The following DNAJC13 variants were observed in gnomAD, a reference collection of about 807,000 sequenced individuals.
DNAJC13 encodes dnaJ homolog subfamily C member 13.
In DNAJC13, 75 loss-of-function variants were observed where a neutral mutation model predicts 290.5. The observed-to-expected ratio is 0.26, with a 90% CI of 0.21 to 0.31. The LOEUF is 0.31. DNAJC13 is among the 10% of genes least tolerant of loss of function. The pLI is 1.00. For synonymous variants in DNAJC13, 862 were observed against 892.0 expected (o/e 0.97, Z 0.60); for missense variants, 2,260 against 2,674.5 (o/e 0.85, Z 3.42).
chr3:132,465,058 C>T (rs1310985715), intron 17 of DNAJC13, among the ~76,000 whole-genome samples: 1 of 152,094 alleles, frequency 6.6e-6, no homozygotes, highest in Non-Finnish European at 1.5e-5. Flanking sequence ...ATATGATAAC[C>T]TACCAAATGC....
rs745349069 is a variant in DNAJC13 at position 132,511,277 on chromosome 3, G to A, written c.5293+33G>A. 37 of 1,601,596 alleles carry A rather than the reference G, an allele frequency of 2.3e-5. No individual in the cohort carries two copies. The East Asian group carries it at 4.9e-4, about 21-fold the overall frequency. ...ACTACACCTTTGATCAATAAGACTC[G>A]TATAATACAGGAGCCCTAAAAATTC... On this transcript the variant is annotated intron_variant, in intron 44 of 55. Transcript: ENST00000260818.
At chr3:132,465,942 C>A in intron 17 of DNAJC13, 53 bp from the exon 18 acceptor site, 1 of 1,221,640 alleles carries the variant, frequency 8.2e-7, no homozygotes, top group Non-Finnish European at 1.2e-6. Flanking sequence ...AAATTCCTTT[C>A]TGTTCTAGCT....
chr3:132,454,339 T>G (rs1027151742), intron 9 of DNAJC13, among the ~76,000 whole-genome samples, 182 bp downstream of exon 9: 21 of 145,928 alleles, frequency 1.4e-4, no homozygotes, highest in African/African-American at 5.1e-5. Context: ...TTTTTTTTTT[T>G]GAGACAGAGT....
chr3:132,525,908 C>A, intron 52 of DNAJC13, 119 bp downstream of exon 52: 1 of 1,259,102 alleles, frequency 7.9e-7, no homozygotes, highest in Non-Finnish European at 1.1e-6. Flanking sequence ...TTTTTGCATA[C>A]GAACCACATG....
chr3:132,463,833 C>G lies in DNAJC13; in HGVS notation c.1892+16C>G, dbSNP rs185789723. 1.9e-6 allele frequency: 3 copies of G among 1,596,504 alleles called. No homozygotes were observed. Among genetic ancestry groups the G allele is most frequent in the East Asian group, 4.5e-5 (2 of 44,460 alleles). On this transcript the variant is annotated intron_variant, in intron 17 of 55. Coordinates refer to ENST00000260818, the MANE Select transcript of DNAJC13 (RefSeq NM_015268.4). ...TTACAAATAGGTAGGTGATTTAATT[C>G]AATTTGCTGCAATTTAACTTCCTGT...
At chr3:132,469,960 ATTCTTTTTTT>A (rs1934133101) in intron 20 of DNAJC13, among the ~76,000 whole-genome samples, 2 of 29,264 alleles carry the variant, frequency 6.8e-5, no homozygotes, top group East Asian at 2.7e-3. Context: ...TGGAGCAGAG[ATTCTTTTTTT>A]TTTTTTTTTT....
intron 15 of DNAJC13, 38 bp from the exon 16 acceptor site, chr3:132,462,429 T>G: frequency 6.3e-7 from 1 of 1,582,158 alleles, no homozygotes; most frequent in Non-Finnish European, 8.6e-7. Context: ...ATAAAATTCT[T>G]TTTTATTTTT....
intron 29 of DNAJC13, among the ~76,000 whole-genome samples, chr3:132,485,964 C>T (rs1934858057): frequency 6.6e-6 from 1 of 151,626 alleles, no homozygotes; most frequent in Non-Finnish European, 1.5e-5. Flanking sequence ...CATTGGTCTG[C>T]AGTGGGAAAG....
chr3:132,519,976 GA>G (rs1195299124), intron 48 of DNAJC13, among the ~76,000 whole-genome samples: 1 of 152,100 alleles, frequency 6.6e-6, no homozygotes, highest in Non-Finnish European at 1.5e-5. Flanking sequence ...ACTGTGCAGG[GA>G]AATCTCCCTT....
chr3:132,536,207 A>T (rs1186999376), intron 55 of DNAJC13, among the ~76,000 whole-genome samples: 2 of 152,180 alleles, frequency 1.3e-5, no homozygotes, highest in African/African-American at 4.8e-5. Context: ...TGTGTTTCAA[A>T]TTTAAAATAC....
chr3:132,504,329 A>ATTTTGT (rs1935519722), intron 41 of DNAJC13, among the ~76,000 whole-genome samples: 1 of 127,810 alleles, frequency 7.8e-6, no homozygotes, highest in Non-Finnish European at 1.6e-5. Context: ...TTTTTTTTTA[A>ATTTTGT]TTTTGTTTTT....
chr3:132,496,669 A>G lies in DNAJC13; in HGVS notation c.4156+6A>G, dbSNP rs1460011615. The G allele has an allele frequency of 2.6e-5, 42 of 1,594,788 alleles. No individual in the cohort carries two copies. The highest frequency in any genetic ancestry group is 3.6e-5 in the Non-Finnish European group (42 of 1,172,292). On this transcript the variant is annotated splice_donor_region_variant and intron_variant, in intron 36 of 55. Transcript: ENST00000260818. ...CTTCAACCGTCATAAAGAAGGTAAG[A>G]TGTCTGTTCTCAGATTTTAATTTAT... is the stretch of plus-strand genomic sequence containing the variant.
intron 25 of DNAJC13, 36 bp from the exon 26 acceptor site, chr3:132,480,333 T>C (rs746665527): frequency 1.4e-6 from 2 of 1,454,236 alleles, no homozygotes; most frequent in Non-Finnish European, 1.9e-6. Flanking sequence ...TTATGAAAAA[T>C]GTTTAGATTA....
intron 6 of DNAJC13, among the ~76,000 whole-genome samples, chr3:132,452,826 A>G (rs1042912713): frequency 6.6e-6 from 1 of 152,218 alleles, no homozygotes; most frequent in African/African-American, 2.4e-5. Flanking sequence ...AGAGCCCAGA[A>G]AGTTGGTTTG....
At chr3:132,479,530 A>G (rs1396174979) in intron 25 of DNAJC13, among the ~76,000 whole-genome samples, 1 of 152,218 alleles carries the variant, frequency 6.6e-6, no homozygotes, top group Non-Finnish European at 1.5e-5. Context: ...AATGACGAAT[A>G]ATGGATGACT....
At chr3:132,536,578 A>G (rs534536073) in intron 55 of DNAJC13, among the ~76,000 whole-genome samples, 8 of 152,316 alleles carry the variant, frequency 5.3e-5, no homozygotes, top group Admixed American at 1.3e-4. Flanking sequence ...TTGCTCAGAA[A>G]CTACACAGTC....
At chr3:132,448,057 A>T (rs1397934559) in intron 5 of DNAJC13, 118 bp downstream of exon 5, 4 of 651,324 alleles carry the variant, frequency 6.1e-6, no homozygotes, top group Non-Finnish European at 1.0e-5. Context: ...AAAGAAACAA[A>T]ATTGTAATGT....
chr3:132,470,571 A>T (rs1934171462), intron 20 of DNAJC13, among the ~76,000 whole-genome samples: 6 of 136,940 alleles, frequency 4.4e-5, no homozygotes, highest in African/African-American at 8.5e-5. Flanking sequence ...GGCCGGGCAG[A>T]GGCGCCCCTC....
intron 52 of DNAJC13, 91 bp downstream of exon 52, chr3:132,525,880 C>T: frequency 7.1e-7 from 1 of 1,401,838 alleles, no homozygotes; most frequent in South Asian, 1.4e-5. Context: ...TATATAAATC[C>T]CCTTTCTGCC....
Sources: allele counts gnomAD v4.1 joint callset (sites outside exome capture counted in the v4.1 genomes callset), GRCh38; gene constraint gnomAD v4.1.1; transcripts MANE v1.5; gene names NCBI Gene and HGNC (gene_info 2026-07-23, HGNC 2026-07-21).